Variants in PCDHGA8 observed in about 807,000 individuals in gnomAD.
The protein encoded by PCDHGA8 is protocadherin gamma subfamily A, 8, also known as protocadherin gamma-A8.
In PCDHGA8, 45 loss-of-function variants were observed where a neutral mutation model predicts 59.2. That is an observed-to-expected ratio of 0.76 (90% CI 0.60 to 0.98). The LOEUF (loss-of-function observed/expected upper bound fraction) is 0.98, where lower values mean the gene tolerates loss of function less well. Among genes scored for constraint, PCDHGA8 ranks in the 50% least tolerant of loss-of-function variants. The pLI is 0.00. For synonymous variants in PCDHGA8, 531 were observed against 519.0 expected, an observed-to-expected ratio of 1.02 and a Z score of -0.32; for missense variants, 1,257 against 1,196.2, an observed-to-expected ratio of 1.05 and a Z score of -0.75.
chr5:141,500,184 T>TTTTATTTATTTATTTATTTA (rs58019021), intron 2 of PCDHGA8, among the ~76,000 whole-genome samples: 1 of 135,886 alleles, frequency 7.4e-6, no homozygotes, highest in African/African-American at 2.7e-5. Flanking sequence ...TCATTTTTAT[T>TTTTATTTATTTATTTATTTA]TTTATTTATT....
chr5:141,493,560 C>T lies in PCDHGA8; in HGVS notation c.2425-1247C>T, dbSNP rs1222578153. ...TTATCCTTTTGGAGATTGAGTTCCCCCAGCTCCGTTTCCTCCTATCACAAT... is the reference window on the plus strand; with the variant it reads ...TTATCCTTTTGGAGATTGAGTTCCCTCAGCTCCGTTTCCTCCTATCACAAT... On this transcript the variant is annotated intron_variant, in intron 1 of 3. Transcript: ENST00000398604. The surrounding 1 kb of genome is among the most constrained non-coding windows in gnomAD (Gnocchi z 4.3). Among the ~76,000 whole-genome samples, 4 of 152,162 alleles carry T rather than the reference C, an allele frequency of 2.6e-5. No individual in the cohort carries two copies. The highest frequency in any genetic ancestry group is 2.1e-4 in the South Asian group (1 of 4,830).
chr5:141,432,873 T>A lies in PCDHGA8; in HGVS notation c.2424+37636T>A, dbSNP rs753576338. ...GTGGCCGCGGTCTCCTGCGTCTTCCTGGCCTTCGTCATCTTGCTGCTGGCG... is the reference window on the plus strand; with the variant it reads ...GTGGCCGCGGTCTCCTGCGTCTTCCAGGCCTTCGTCATCTTGCTGCTGGCG... On this transcript the variant is annotated intron_variant, in intron 1 of 3. Transcript: ENST00000398604. This position sits in a 1 kb window ranked among gnomAD's most constrained non-coding sequence, Gnocchi z 6.0. 1.4e-5 allele frequency: 22 copies of A among 1,614,204 alleles called. No individual in the cohort carries two copies. The highest frequency in any genetic ancestry group is 3.3e-4 in the Middle Eastern group (2 of 6,062).
intron 1 of PCDHGA8, among the ~76,000 whole-genome samples, chr5:141,474,075 C>T (rs2099339724): frequency 6.6e-6 from 1 of 151,902 alleles, no homozygotes; most frequent in African/African-American, 2.4e-5. Flanking sequence ...GCCTCAGAAA[C>T]AAAAACCAAA....
rs776721321 is a variant in PCDHGA8, at chr5:141,431,084, C to A, written c.2424+35847C>A. ...CAAGTGTCAATTAAATCTAGACATT[C>A]TGATGGAGGATAAAGTGAAAATATA... is the stretch of plus-strand genomic sequence containing the variant. On this transcript the variant is annotated intron_variant, in intron 1 of 3. Coordinates refer to ENST00000398604, the MANE Select transcript of PCDHGA8 (RefSeq NM_032088.2). This position sits in a 1 kb window ranked among gnomAD's most constrained non-coding sequence, Gnocchi z 4.8. The A allele has an allele frequency of 1.2e-6, 2 of 1,614,060 alleles. No homozygotes were observed. Among genetic ancestry groups the A allele is most frequent in the Non-Finnish European group, 1.7e-6 (2 of 1,180,002 alleles).
chr5:141,423,141 G>A, intron 1 of PCDHGA8: 1 of 1,613,580 alleles, frequency 6.2e-7, no homozygotes, highest in Non-Finnish European at 8.5e-7. Context: ...ACAGAGACGC[G>A]CTCAAGCAGA....
Position 141,414,298 on chromosome 5 carries a change from G to A in PCDHGA8, c.2424+19061G>A, listed in dbSNP as rs200349573. ...GGGAACAGTCGTAGCCCTTTTAAAT[G>A]TGCATGATTTAGACTCTGAGCAGAA... On this transcript the variant is annotated intron_variant, in intron 1 of 3. Transcript: ENST00000398604. The A allele has an allele frequency of 1.9e-5, 30 of 1,613,626 alleles. No homozygotes were observed. In the East Asian group the frequency reaches 6.7e-4, roughly 36 times the overall value.
At chr5:141,470,416 A>AT (rs1300623208) in intron 1 of PCDHGA8, among the ~76,000 whole-genome samples, 3 of 152,134 alleles carry the variant, frequency 2.0e-5, no homozygotes, top group African/African-American at 7.2e-5. Flanking sequence ...GATTTTATGT[A>AT]TTTTTTCCTT....
rs192747939 is a variant in PCDHGA8 at position 141,487,483 on chromosome 5, T to C, written c.2425-7324T>C. 12 of 1,614,224 alleles carry C rather than the reference T, an allele frequency of 7.4e-6. No individual in the cohort carries two copies. In the Admixed American group the frequency reaches 1.8e-4, roughly 25 times the overall value. On this transcript the variant is annotated intron_variant, in intron 1 of 3. Coordinates refer to ENST00000398604, the MANE Select transcript of PCDHGA8 (RefSeq NM_032088.2). This position sits in a 1 kb window ranked among gnomAD's most constrained non-coding sequence, Gnocchi z 5.0. ...TTGTTGATGTGGGAGGCCACTCTCA[T>C]GGCTGTACACCCTTGGCTTCTGCAC... is the stretch of plus-strand genomic sequence containing the variant.
At chr5:141,504,429 G>T (rs947508365) in intron 2 of PCDHGA8, among the ~76,000 whole-genome samples, 1 of 152,124 alleles carries the variant, frequency 6.6e-6, no homozygotes, top group Non-Finnish European at 1.5e-5. Context: ...CACTACAACA[G>T]CTGCAGTGTG....
Position 141,395,016 on chromosome 5 carries a change from G to A in PCDHGA8, c.2203G>A (p.Val735Met), listed in dbSNP as rs772379480. Residue 735 changes from valine to methionine, a missense_variant, in exon 1 of 4, where the codon GTG becomes ATG. Physicochemically the swap from Val to Met is conservative, Grantham distance 21. Coordinates refer to ENST00000398604, the MANE Select transcript of PCDHGA8 (RefSeq NM_032088.2). Reference sequence around the variant, plus strand: ...GGATTCCGGTGGCAGATTGGTAGGCGTGCCTGCCTCACATTTTGTGGGTGT... The same window carrying A: ...GGATTCCGGTGGCAGATTGGTAGGCATGCCTGCCTCACATTTTGTGGGTGT... The part of the protein sequence containing the change: ...LQDSGGRLVG[V>M]PASHFVGVEE... 2 of 1,614,068 alleles carry A rather than the reference G, an allele frequency of 1.2e-6. No individual in the cohort carries two copies. The highest frequency in any genetic ancestry group is 1.7e-6 in the Non-Finnish European group (2 of 1,179,982).
In PCDHGA8 at chr5:141,433,358, C is replaced by CCTATCTATCTATCTAT. The variant is rs3074541; in HGVS notation, c.2424+38154_2424+38169dup. ...ACAGGTGCAAGCCACCTACTGTCTG[C>CCTATCTATCTATCTAT]CTATCTATCTATCTATCTATCTATC... On this transcript the variant is annotated intron_variant, in intron 1 of 3. Coordinates refer to ENST00000398604, the MANE Select transcript of PCDHGA8 (RefSeq NM_032088.2). 1.1e-3 allele frequency: 566 copies of CCTATCTATCTATCTAT among 504,038 alleles called. 2 individuals carry two copies. The highest frequency in any genetic ancestry group is 1.7e-3 in the East Asian group (49 of 28,778). The allele number at this position is 504,038 out of a possible 1,614,324, so 31.2% of individuals were successfully genotyped here.
At chr5:141,421,355 G>A in intron 1 of PCDHGA8, 1 of 1,613,990 alleles carries the variant, frequency 6.2e-7, no homozygotes, top group East Asian at 2.2e-5. Flanking sequence ...ACCGAAAAGG[G>A]CTCCTTCGTG....
chr5:141,504,474 G>A (rs903417314), intron 2 of PCDHGA8, among the ~76,000 whole-genome samples: 1 of 152,066 alleles, frequency 6.6e-6, no homozygotes, highest in African/African-American at 2.4e-5. Context: ...TGGGATGGGA[G>A]TACAGTGGAG....
chr5:141,407,798 A>T (rs2094982737), intron 1 of PCDHGA8, among the ~76,000 whole-genome samples: 1 of 152,256 alleles, frequency 6.6e-6, no homozygotes, highest in Non-Finnish European at 1.5e-5. Context: ...AACACAAAGC[A>T]TAGAAATATC....
chr5:141,464,773 C>G (rs576769467), intron 1 of PCDHGA8, among the ~76,000 whole-genome samples: 79 of 152,106 alleles, frequency 5.2e-4, no homozygotes, highest in African/African-American at 1.9e-3. Context: ...GAATCTTGTT[C>G]TGTTGCCCAG....
rs933089146 is a variant in PCDHGA8, at chr5:141,490,786, A to G, written c.2425-4021A>G. ...GTATGTCAACCCAGAGGATGGACGGATCTTTGCCCAGCGTACCTTTGACTA... is the reference window on the plus strand; with the variant it reads ...GTATGTCAACCCAGAGGATGGACGGGTCTTTGCCCAGCGTACCTTTGACTA... On this transcript the variant is annotated intron_variant, in intron 1 of 3. Coordinates refer to ENST00000398604, the MANE Select transcript of PCDHGA8 (RefSeq NM_032088.2). This position sits in a 1 kb window ranked among gnomAD's most constrained non-coding sequence, Gnocchi z 5.4. The G allele has an allele frequency of 1.9e-6, 3 of 1,614,056 alleles. No individual in the cohort carries two copies. The highest frequency in any genetic ancestry group is 1.7e-5 in the Admixed American group (1 of 60,016).
chr5:141,501,447 A>G (rs1483189279), intron 2 of PCDHGA8, among the ~76,000 whole-genome samples: 1 of 151,816 alleles, frequency 6.6e-6, no homozygotes, highest in Middle Eastern at 3.2e-3. Flanking sequence ...TTCCATTTTT[A>G]CTTTTCACTA....
intron 1 of PCDHGA8, among the ~76,000 whole-genome samples, chr5:141,396,897 T>C (rs1337739986): frequency 1.3e-5 from 2 of 152,220 alleles, no homozygotes; most frequent in African/African-American, 4.8e-5. Flanking sequence ...CAACATATTA[T>C]TGGCACTTTG....
Position 141,415,578 on chromosome 5 carries a change from G to A in PCDHGA8, c.2424+20341G>A, listed in dbSNP as rs372519745. On this transcript the variant is annotated intron_variant, in intron 1 of 3. Transcript: ENST00000398604. ...ATCCTTTGTCTTTGTTAGATGATTCGAAGTTTCCTATAGAGGATACCCCAT... is the reference window on the plus strand; with the variant it reads ...ATCCTTTGTCTTTGTTAGATGATTCAAAGTTTCCTATAGAGGATACCCCAT... 678 of 1,613,890 alleles carry A rather than the reference G, an allele frequency of 4.2e-4. 10 individuals are homozygous for A. In the South Asian group the frequency reaches 6.8e-3, roughly 16 times the overall value.
Sources: gnomAD v4.1 joint callset for allele counts (sites outside exome capture counted in the v4.1 genomes callset) on GRCh38, gnomAD v4.1.1 for gene constraint, Gnocchi (gnomAD v3.1) non-coding constraint, MANE v1.5 for transcripts, NCBI Gene and HGNC (gene_info 2026-07-23, HGNC 2026-07-21) for gene names.